HECTD4: variants seen among roughly 807,000 people sequenced by gnomAD.
HECTD4 encodes HECT domain E3 ubiquitin protein ligase 4.
HECTD4 carries 114 observed loss-of-function variants against 471.5 expected under a neutral mutation model. That is an observed-to-expected ratio of 0.24 (90% CI 0.21 to 0.28). The LOEUF is 0.28. Among genes scored for constraint, HECTD4 ranks in the 10% least tolerant of loss-of-function variants. The pLI is 1.00. For missense variants in HECTD4, 3,866 were observed against 5,651.5 expected, an observed-to-expected ratio of 0.68 and a Z score of 10.13; for synonymous variants, 2,012 against 2,256.0, an observed-to-expected ratio of 0.89 and a Z score of 3.07.
rs771053761 is a variant in HECTD4, at chr12:112,253,957, T to C, written c.3447+86A>G. 3.8e-5 allele frequency: 56 copies of C among 1,460,514 alleles called. No individual in the cohort carries two copies. The Middle Eastern group carries it at 5.4e-4, about 14-fold the overall frequency. 90.5% of individuals were successfully genotyped at this position (1,460,514 alleles called of 1,614,324 possible). The stretch of plus-strand genomic sequence containing the variant: ...ACAAAAGCCCCCAGGGCAAATGTTT[T>C]TCTGGGATTACAGTTAGTACTTGGA... On this transcript the variant is annotated intron_variant, in intron 22 of 75. Coordinates refer to ENST00000682272, the MANE Select transcript of HECTD4 (RefSeq NM_001388303.1).
intron 1 of HECTD4, among the ~76,000 whole-genome samples, chr12:112,358,368 C>T (rs1397321435): frequency 1.3e-5 from 2 of 152,044 alleles, no homozygotes; most frequent in Non-Finnish European, 2.9e-5. Context: ...GAAATCCCAG[C>T]TATTCAGGAG....
rs1174644366 is a variant in HECTD4, at chr12:112,188,270, C to T, written c.9472+2516G>A. On this transcript the variant is annotated intron_variant, in intron 60 of 75. Coordinates refer to ENST00000682272, the MANE Select transcript of HECTD4 (RefSeq NM_001388303.1). The surrounding 1 kb of genome is among the most constrained non-coding windows in gnomAD (Gnocchi z 4.2). The stretch of plus-strand genomic sequence containing the variant: ...CACCACTGCGCTCCAGCCTGGGTGA[C>T]AGAGTGAGACTACATTTCAAAAAAA... Among the ~76,000 whole-genome samples the T allele has an allele frequency of 1.3e-5, 2 of 152,148 alleles. No individual in the cohort carries two copies. Among genetic ancestry groups the T allele is most frequent in the Non-Finnish European group, 2.9e-5 (2 of 68,034 alleles).
chr12:112,193,777 G>A lies in HECTD4; in HGVS notation c.8750-103C>T, dbSNP rs1593916141. 1 of 993,146 alleles carries A rather than the reference G, an allele frequency of 1.0e-6. No individual in the cohort carries two copies. The highest frequency in any genetic ancestry group is 2.6e-5 in the East Asian group (1 of 38,302). 61.5% of individuals were successfully genotyped at this position (993,146 alleles called of 1,614,324 possible). Reference sequence around the variant, plus strand: ...AATAACCCATCCAGAAACCCCAGATGGGAGGGTTATCCTGGATATGATGTC... The same window carrying A: ...AATAACCCATCCAGAAACCCCAGATAGGAGGGTTATCCTGGATATGATGTC... On this transcript the variant is annotated intron_variant, in intron 56 of 75. Coordinates refer to ENST00000682272, the MANE Select transcript of HECTD4 (RefSeq NM_001388303.1). This position sits in a 1 kb window ranked among gnomAD's most constrained non-coding sequence, Gnocchi z 5.2.
intron 43 of HECTD4, 100 bp downstream of exon 43, chr12:112,227,988 GT>G: frequency 3.8e-6 from 4 of 1,044,628 alleles, no homozygotes; most frequent in Non-Finnish European, 5.5e-6. Flanking sequence ...GCTTCAAGCT[GT>G]GGATTCACTA....
Position 112,228,018 on chromosome 12 carries a change from C to T in HECTD4, c.6854+71G>A. On this transcript the variant is annotated intron_variant, in intron 43 of 75. Transcript: ENST00000682272. This position sits in a 1 kb window ranked among gnomAD's most constrained non-coding sequence, Gnocchi z 4.9. The stretch of plus-strand genomic sequence containing the variant: ...TTCACTAAGTTGGGAGTGGAGGGGC[C>T]CACCAAGGATCCCTTCTTCTGTCAG... 7.1e-7 allele frequency: 1 copy of T among 1,407,316 alleles called. No individual in the cohort carries two copies. The highest frequency in any genetic ancestry group is 2.6e-5 in the East Asian group (1 of 39,070). 87.2% of individuals were successfully genotyped at this position (1,407,316 alleles called of 1,614,324 possible). A position where few individuals can be genotyped will look rare whatever the true frequency, so the allele number is the denominator to read the frequency against.
chr12:112,235,788 G>A lies in HECTD4; in HGVS notation c.5445-4C>T. The A allele has an allele frequency of 6.2e-7, 1 of 1,600,034 alleles. No homozygotes were observed. Among genetic ancestry groups the A allele is most frequent in the Admixed American group, 1.8e-5 (1 of 56,362 alleles). On this transcript the variant is annotated splice_polypyrimidine_tract_variant and splice_region_variant and intron_variant, in intron 35 of 75. Transcript: ENST00000682272. The surrounding 1 kb of genome is among the most constrained non-coding windows in gnomAD (Gnocchi z 5.0). ...GATGGCTTTACCTATGTGGCTCCTG[G>A]GAAAAAAGGAAGAAAAGGTACACAG...
chr12:112,181,871 C>A, intron 62 of HECTD4, among the ~76,000 whole-genome samples: 1 of 152,088 alleles, frequency 6.6e-6, no homozygotes, highest in East Asian at 1.9e-4. Context: ...GCGGGCAAAT[C>A]ACCTGAGGTC....
Position 112,382,003 on chromosome 12 carries a change from C to G in HECTD4, c.126G>C (p.Glu42Asp). 1 of 1,224,748 alleles carries G rather than the reference C, an allele frequency of 8.2e-7. No individual in the cohort carries two copies. Among genetic ancestry groups the G allele is most frequent in the Non-Finnish European group, 1.0e-6 (1 of 983,394 alleles). The allele number at this position is 1,224,748 out of a possible 1,614,324, so 75.9% of individuals were successfully genotyped here. Residue 42 changes from glutamate (E) to aspartate (D), a missense_variant, in exon 1 of 76, where the codon GAG becomes GAC. Coordinates refer to ENST00000682272, the MANE Select transcript of HECTD4 (RefSeq NM_001388303.1). ...DGLIRVTDLAELPSEILGAPE... is the reference protein window; with the variant it reads ...DGLIRVTDLADLPSEILGAPE... ...GGGCCCCGAGGATCTCGCTGGGCAGCTCGGCCAGGTCGGTGACCCGGATCA... is the reference window on the plus strand; with the variant it reads ...GGGCCCCGAGGATCTCGCTGGGCAGGTCGGCCAGGTCGGTGACCCGGATCA...
In HECTD4 at chr12:112,382,036, G is replaced by A; in HGVS notation, c.93C>T (p.His31=). ...LSVKEETIFL[H]DGLIRVTDLA... ...GGTCGGTGACCCGGATCAGCCCGTC[G>A]TGCAGGAAGATGGTCTCTTCCTTCA... Residue 31 remains histidine (H), a synonymous_variant, in exon 1 of 76, where the codon CAC becomes CAT. Transcript: ENST00000682272. 3 of 1,224,530 alleles carry A rather than the reference G, an allele frequency of 2.4e-6. No individual in the cohort carries two copies. The highest frequency in any genetic ancestry group is 3.1e-6 in the Non-Finnish European group (3 of 983,310). The allele number at this position is 1,224,530 out of a possible 1,614,324, so 75.9% of individuals were successfully genotyped here. A position where few individuals can be genotyped will look rare whatever the true frequency, so the allele number is the denominator to read the frequency against.
chr12:112,381,792 C>G lies in HECTD4; in HGVS notation c.177+160G>C, dbSNP rs143563263. ...AGAGCGGGGCGGGCGGTCCGCAGAC[C>G]TGCGGCCGCGGCCCCACCTGCCCGC... On this transcript the variant is annotated intron_variant, in intron 1 of 75. Transcript: ENST00000682272. The surrounding 1 kb of genome is among the most constrained non-coding windows in gnomAD (Gnocchi z 4.1). Among the ~76,000 whole-genome samples, 1 of 152,016 alleles carries G rather than the reference C, an allele frequency of 6.6e-6. No individual in the cohort carries two copies. Among genetic ancestry groups the G allele is most frequent in the Non-Finnish European group, 1.5e-5 (1 of 67,912 alleles).
At position 112,192,731 on chromosome 12, in the gene HECTD4, G is replaced by C; in HGVS notation, c.9121C>G (p.Leu3041Val). ...ACTTTGTGGCCGAGGCCATATACGA[G>C]CACCCGTGCCCACGGTGCCTTGTAC... ...SLYKAPWARV[L>V]VYGLGHKVKR... The change falls in exon 59 of 76, where the codon CTC becomes GTC. Residue 3041 changes from leucine (L) to valine (V), a missense_variant. This residue lies in a region of HECTD4 where 364 missense variants were observed against 413.2 expected (regional missense o/e 0.88). Transcript: ENST00000682272. The C allele has an allele frequency of 6.3e-7, 1 of 1,594,476 alleles. No individual in the cohort carries two copies. The highest frequency in any genetic ancestry group is 8.5e-7 in the Non-Finnish European group (1 of 1,170,894).
Position 112,228,174 on chromosome 12 carries a change from A to G in HECTD4, c.6769T>C (p.Ser2257Pro), listed in dbSNP as rs2033289503. 6.2e-7 allele frequency: 1 copy of G among 1,613,954 alleles called. No homozygotes were observed. The highest frequency in any genetic ancestry group is 2.2e-5 in the East Asian group (1 of 44,872). Reference protein sequence around the residue: ...SMLLPQEGSLSIHTSLPATGD... With the variant: ...SMLLPQEGSLPIHTSLPATGD... ...GTTGCAGGAAGTGAGGTGTGAATAG[A>G]GAGACTTCCCTCCTGAGGAAGCAAC... is the stretch of plus-strand genomic sequence containing the variant. Residue 2257 changes from serine to proline, a missense_variant, in exon 43 of 76, where the codon TCT (serine) becomes CCT (proline). Coordinates refer to ENST00000682272, the MANE Select transcript of HECTD4 (RefSeq NM_001388303.1). This position sits in a 1 kb window ranked among gnomAD's most constrained non-coding sequence, Gnocchi z 4.9.
chr12:112,213,329 T>C lies in HECTD4; in HGVS notation c.7466-679A>G, dbSNP rs1024567557. Among the ~76,000 whole-genome samples the C allele has an allele frequency of 1.3e-5, 2 of 152,142 alleles. No homozygotes were observed. The highest frequency in any genetic ancestry group is 2.9e-5 in the Non-Finnish European group (2 of 68,028). ...CTTTTGACACATGGAGGATTACTTATGACGAATAAGTAAAAAGGTATTAGT... is the reference window on the plus strand; with the variant it reads ...CTTTTGACACATGGAGGATTACTTACGACGAATAAGTAAAAAGGTATTAGT... On this transcript the variant is annotated intron_variant, in intron 48 of 75. Transcript: ENST00000682272. The surrounding 1 kb of genome is among the most constrained non-coding windows in gnomAD (Gnocchi z 4.0).
chr12:112,308,716 A>G (rs1284865113), intron 6 of HECTD4, 37 bp downstream of exon 6: 2 of 1,510,298 alleles, frequency 1.3e-6, no homozygotes, highest in East Asian at 4.9e-5. Context: ...TATTGCCTCT[A>G]AAATATGTTT....
At chr12:112,169,393 G>A in intron 70 of HECTD4, 110 bp downstream of exon 70, 1 of 1,223,344 alleles carries the variant, frequency 8.2e-7, no homozygotes, top group Non-Finnish European at 1.1e-6. Flanking sequence ...CAGCACAAGT[G>A]CTGAGGATGT....
Position 112,183,000 on chromosome 12 carries a change from T to C in HECTD4, c.10987+59A>G, listed in dbSNP as rs570604849. ...GGAGATTTTAATGCAGATTTTTTTC[T>C]GTGAGCCTAAAATTGCTCCACAAAA... On this transcript the variant is annotated intron_variant, in intron 62 of 75. Transcript: ENST00000682272. 1.4e-5 allele frequency: 18 copies of C among 1,254,596 alleles called. No homozygotes were observed. In the African/African-American group the frequency reaches 2.1e-4, roughly 15 times the overall value. The allele number at this position is 1,254,596 out of a possible 1,614,324, so 77.7% of individuals were successfully genotyped here. A position where few individuals can be genotyped will look rare whatever the true frequency, so the allele number is the denominator to read the frequency against.
At chr12:112,326,286 G>GGAGTTTGA (rs2035741956) in intron 1 of HECTD4, among the ~76,000 whole-genome samples, 1 of 152,140 alleles carries the variant, frequency 6.6e-6, no homozygotes, top group South Asian at 2.1e-4. Context: ...CTTGAGGCCA[G>GGAGTTTGA]GAGTTTGAGA....
chr12:112,225,839 G>A (rs2033219791), intron 44 of HECTD4, among the ~76,000 whole-genome samples: 1 of 152,066 alleles, frequency 6.6e-6, no homozygotes, highest in Admixed American at 6.6e-5. Context: ...TGTTGCCCAG[G>A]CTGCATTCAA....
intron 1 of HECTD4, among the ~76,000 whole-genome samples, chr12:112,376,899 G>A (rs2036791134): frequency 6.6e-6 from 1 of 152,104 alleles, no homozygotes; most frequent in Non-Finnish European, 1.5e-5. Context: ...GATCACCTGA[G>A]GTCCGGAGTT....
Sources: allele counts gnomAD v4.1 joint callset (sites outside exome capture counted in the v4.1 genomes callset), GRCh38; gene constraint gnomAD v4.1.1; regional missense constraint gnomAD v4.1.1; non-coding constraint Gnocchi (gnomAD v3.1); transcripts MANE v1.5; gene names NCBI Gene and HGNC (gene_info 2026-07-23, HGNC 2026-07-21).